The following PXK variants were observed in gnomAD, a reference collection of about 807,000 sequenced individuals.
The protein encoded by PXK is PX domain containing serine/threonine kinase like.
Under a neutral mutation model 84.7 loss-of-function variants are expected in PXK, and 35 were observed. The ratio of observed to expected loss-of-function variants is 0.41; its 90% CI spans 0.32 to 0.55. The LOEUF (loss-of-function observed/expected upper bound fraction) is 0.55, where lower values mean the gene tolerates loss of function less well. PXK is among the 20% of genes least tolerant of loss of function. PXK has a pLI of 0.21. For missense variants in PXK, 634 were observed against 699.7 expected (o/e 0.91, Z 1.06); for synonymous variants, 253 against 260.8 (o/e 0.97, Z 0.29).
chr3:58,397,814 G>C lies in PXK; in HGVS notation c.1102+92G>C. 1.0e-6 allele frequency: 1 copy of C among 1,004,920 alleles called. No individual in the cohort carries two copies. Among genetic ancestry groups the C allele is most frequent in the East Asian group, 2.5e-5 (1 of 40,708 alleles). The allele number at this position is 1,004,920 out of a possible 1,614,324, so 62.3% of individuals were successfully genotyped here. The stretch of plus-strand genomic sequence containing the variant: ...AGAGTCCAGGAAAGACCCAGAGGAA[G>C]TTGCTGTCCTCCACAGCCAGAAATT... On this transcript the variant is annotated intron_variant, in intron 11 of 17. Transcript: ENST00000356151. This position sits in a 1 kb window ranked among gnomAD's most constrained non-coding sequence, Gnocchi z 4.7.
intron 9 of PXK, among the ~76,000 whole-genome samples, chr3:58,395,984 GAGTTTTAA>G (rs1283527471): frequency 2.6e-5 from 4 of 152,198 alleles, no homozygotes; most frequent in Admixed American, 2.6e-4. Flanking sequence ...TTTAGTGTCT[GAGTTTTAA>G]GAACTTTACT....
At chr3:58,393,542 A>G (rs912237955) in intron 7 of PXK, among the ~76,000 whole-genome samples, 3 of 152,148 alleles carry the variant, frequency 2.0e-5, no homozygotes, top group Admixed American at 6.5e-5. Context: ...TAAATATAGC[A>G]TCATTATTAT....
chr3:58,382,474 T>C (rs753170623), intron 3 of PXK, 40 bp from the exon 4 acceptor site: 3 of 1,444,550 alleles, frequency 2.1e-6, no homozygotes, highest in Non-Finnish European at 9.1e-7. Context: ...TTCTTATTTG[T>C]GGATGACATG....
intron 7 of PXK, among the ~76,000 whole-genome samples, chr3:58,394,413 C>T (rs2057312161): frequency 6.6e-6 from 1 of 152,150 alleles, no homozygotes; most frequent in African/African-American, 2.4e-5. Context: ...CTTTATGTTG[C>T]AGAATTCTAT....
At position 58,409,498 on chromosome 3, in the gene PXK, G is replaced by A. The variant is rs745868259; in HGVS notation, c.1309-34G>A. 1.3e-6 allele frequency: 2 copies of A among 1,573,942 alleles called. No individual in the cohort carries two copies. The highest frequency in any genetic ancestry group is 1.7e-6 in the Non-Finnish European group (2 of 1,149,026). On this transcript the variant is annotated intron_variant, in intron 14 of 17. Coordinates refer to ENST00000356151, the MANE Select transcript of PXK (RefSeq NM_017771.5). This position sits in a 1 kb window ranked among gnomAD's most constrained non-coding sequence, Gnocchi z 4.2. Reference sequence around the variant, plus strand: ...GATTTTCATTAGGAAGCTGCCTTATGTGGGATATGCTTACATCTTATGGTC... The same window carrying A: ...GATTTTCATTAGGAAGCTGCCTTATATGGGATATGCTTACATCTTATGGTC...
chr3:58,355,571 C>T (rs548454977), intron 1 of PXK, among the ~76,000 whole-genome samples: 3 of 152,278 alleles, frequency 2.0e-5, no homozygotes, highest in African/African-American at 2.4e-5. Flanking sequence ...TTCACCAAAC[C>T]GAGGTACCTT....
At chr3:58,348,139 C>T (rs778805717) in intron 1 of PXK, among the ~76,000 whole-genome samples, 42 of 152,102 alleles carry the variant, frequency 2.8e-4, no homozygotes, top group Non-Finnish European at 5.6e-4. Context: ...TGAACTCTGA[C>T]CTCAAGTCAT....
At chr3:58,413,281 A>C (rs966365047) in intron 17 of PXK, 12 of 377,624 alleles carry the variant, frequency 3.2e-5, no homozygotes, top group Non-Finnish European at 2.0e-5. Flanking sequence ...TAGCTGAACA[A>C]CACAAATGCG....
At chr3:58,373,875 C>G (rs1306273235) in intron 3 of PXK, among the ~76,000 whole-genome samples, 1 of 151,864 alleles carries the variant, frequency 6.6e-6, no homozygotes, top group Non-Finnish European at 1.5e-5. Flanking sequence ...GAAACCCCGT[C>G]TCTACTAAAA....
rs1334654838 is a variant in PXK, at chr3:58,382,518, C to T, written c.206C>T (p.Ala69Val). Reference protein sequence around the residue: ...FDLLNNSLQIAGLSLPLPPKK... With the variant: ...FDLLNNSLQIVGLSLPLPPKK... ...TTTTTTTTTTTTTTTTTAAAGATTGCAGGCCTAAGTCTACCTCTTCCTCCC... is the reference window on the plus strand; with the variant it reads ...TTTTTTTTTTTTTTTTTAAAGATTGTAGGCCTAAGTCTACCTCTTCCTCCC... The change falls in exon 4 of 18, where the codon GCA becomes GTA. Residue 69 changes from alanine to valine, a missense_variant. Transcript: ENST00000356151. The T allele has an allele frequency of 3.4e-6, 5 of 1,470,964 alleles. No individual in the cohort carries two copies. Among genetic ancestry groups the T allele is most frequent in the South Asian group, 1.4e-5 (1 of 73,926 alleles). The allele number at this position is 1,470,964 out of a possible 1,614,324, so 91.1% of individuals were successfully genotyped here. A position where few individuals can be genotyped will look rare whatever the true frequency, so the allele number is the denominator to read the frequency against.
intron 1 of PXK, among the ~76,000 whole-genome samples, chr3:58,351,281 AC>A (rs1410442605): frequency 1.3e-5 from 2 of 151,986 alleles, no homozygotes; most frequent in African/African-American, 2.4e-5. Context: ...ATCACGGCTC[AC>A]GGCAGCCTCC....
At chr3:58,366,911 C>A (rs182490112) in intron 2 of PXK, among the ~76,000 whole-genome samples, 2 of 152,190 alleles carry the variant, frequency 1.3e-5, no homozygotes, top group African/African-American at 4.8e-5. Context: ...GTTAACCACT[C>A]TACGATCTTT....
intron 17 of PXK, among the ~76,000 whole-genome samples, chr3:58,419,541 C>T (rs2061502406): frequency 6.6e-6 from 1 of 152,256 alleles, no homozygotes; most frequent in African/African-American, 2.4e-5. Flanking sequence ...GCGTGAGCCA[C>T]CACACCCAGC....
At chr3:58,422,093 C>T (rs2061968254) in intron 17 of PXK, 2 of 985,250 alleles carry the variant, frequency 2.0e-6, no homozygotes. Flanking sequence ...CCCTCTTCCT[C>T]CATTGTTAGC....
Position 58,355,518 on chromosome 3 carries a change from A to G in PXK, c.103-10356A>G, listed in dbSNP as rs777934830. 4.0e-4 allele frequency among the ~76,000 whole-genome samples: 61 copies of G among 152,240 alleles called. 1 individual carries two copies. Among genetic ancestry groups the G allele is most frequent in the Admixed American group, 2.6e-4 (4 of 15,288 alleles). The stretch of plus-strand genomic sequence containing the variant: ...AGCCTCACTAAAGTAATTTGGGGCC[A>G]GAAAGGTTCAAAATACGTTTTCCTA... On this transcript the variant is annotated intron_variant, in intron 1 of 17. Coordinates refer to ENST00000356151, the MANE Select transcript of PXK (RefSeq NM_017771.5).
At chr3:58,417,202 G>A (rs2061108330) in intron 17 of PXK, among the ~76,000 whole-genome samples, 1 of 152,178 alleles carries the variant, frequency 6.6e-6, no homozygotes, top group Non-Finnish European at 1.5e-5. Flanking sequence ...ACAGCACCTG[G>A]CCTCACAGTT....
At chr3:58,349,008 CTAGCCACATATCAGATGCTCAG>C (rs1358180982) in intron 1 of PXK, among the ~76,000 whole-genome samples, 13 of 152,124 alleles carry the variant, frequency 8.5e-5, no homozygotes, top group Non-Finnish European at 1.9e-4. Flanking sequence ...TCAATTGGGA[CTAGCCACATATCAGATGCTCAG>C]TAGCCACATA....
chr3:58,395,211 A>C, intron 8 of PXK, 109 bp downstream of exon 8: 1 of 711,166 alleles, frequency 1.4e-6, no homozygotes, highest in Non-Finnish European at 2.2e-6. Context: ...ATTTGATGTT[A>C]GTTTTGATTT....
At chr3:58,354,195 A>G (rs1386660115) in intron 1 of PXK, among the ~76,000 whole-genome samples, 1 of 152,062 alleles carries the variant, frequency 6.6e-6, no homozygotes, top group Non-Finnish European at 1.5e-5. Context: ...TGCTCCTTTA[A>G]ACGGCATTGG....
Sources: allele counts gnomAD v4.1 joint callset (sites outside exome capture counted in the v4.1 genomes callset), GRCh38; gene constraint gnomAD v4.1.1; non-coding constraint Gnocchi (gnomAD v3.1); transcripts MANE v1.5; gene names NCBI Gene and HGNC (gene_info 2026-07-23, HGNC 2026-07-21).